Variants in SEMA3D observed in about 807,000 individuals in gnomAD.
SEMA3D encodes semaphorin 3D.
SEMA3D carries 84 observed loss-of-function variants against 100.1 expected under a neutral mutation model. That is an observed-to-expected ratio of 0.84 (90% CI 0.70 to 1.01). The LOEUF (loss-of-function observed/expected upper bound fraction) is 1.01, where lower values mean the gene tolerates loss of function less well. Among genes scored for constraint, SEMA3D ranks in the 50% least tolerant of loss-of-function variants. SEMA3D has a pLI of 0.00. For synonymous variants in SEMA3D, 312 were observed against 320.7 expected (o/e 0.97, Z 0.29); for missense variants, 875 against 934.1 (o/e 0.94, Z 0.82).
Position 84,996,950 on chromosome 7 carries a change from TTTTAGATATTC to T in SEMA3D, c.*2479_*2489del, listed in dbSNP as rs1357843653. 1.3e-5 allele frequency: 2 copies of T among 151,926 alleles called. No individual in the cohort carries two copies. The highest frequency in any genetic ancestry group is 4.8e-5 in the African/African-American group (2 of 41,428). 9.4% of individuals were successfully genotyped at this position (151,926 alleles called of 1,614,324 possible). ...ACTAAAAAGCTAAGAAAAAAACACA[TTTTAGATATTC>T]TTTATCTTTAAAAATACATATAAAT... On this transcript the variant is annotated 3_prime_UTR_variant, in exon 19 of 19. Coordinates refer to ENST00000284136, the MANE Select transcript of SEMA3D (RefSeq NM_001384900.1).
chr7:85,216,357 T>TTGTGTG, the SEMA3D span, among the ~76,000 whole-genome samples: 1,293 of 146,248 alleles, frequency 8.8e-3, 9 homozygotes, highest in South Asian at 0.02. Context: ...AATAAGAGTG[T>TTGTGTG]TGTGTGTGTG....
intron 2 of SEMA3D, among the ~76,000 whole-genome samples, chr7:85,138,586 T>A (rs539768078): frequency 4.0e-5 from 6 of 148,594 alleles, no homozygotes; most frequent in African/African-American, 1.5e-4. Context: ...CCCCTTTCTT[T>A]CCATTTTGTG....
intron 5 of SEMA3D, among the ~76,000 whole-genome samples, chr7:85,074,199 T>C (rs956352587): frequency 6.6e-6 from 1 of 152,150 alleles, no homozygotes; most frequent in Non-Finnish European, 1.5e-5. Flanking sequence ...ATTAAGGAAG[T>C]TGGTAACCTG....
the SEMA3D span, among the ~76,000 whole-genome samples, chr7:85,206,815 G>A: frequency 6.6e-6 from 1 of 152,006 alleles, no homozygotes; most frequent in Non-Finnish European, 1.5e-5. Flanking sequence ...TGTGTCTTCA[G>A]GCTCATTGTT....
intron 4 of SEMA3D, among the ~76,000 whole-genome samples, chr7:85,094,959 A>G (rs1173611129): frequency 6.6e-6 from 1 of 151,994 alleles, no homozygotes. Flanking sequence ...ACAAAAGGTC[A>G]TAATATCATC....
intron 5 of SEMA3D, among the ~76,000 whole-genome samples, chr7:85,077,849 CT>C (rs1391881811): frequency 2.0e-5 from 3 of 152,012 alleles, no homozygotes; most frequent in Admixed American, 1.3e-4. Context: ...TAAAAGTCTA[CT>C]CAATAATCAA....
Position 84,998,296 on chromosome 7 carries a change from A to G in SEMA3D, c.*1144T>C, listed in dbSNP as rs140012259. ...AGAATAAAGGCAGTAAAAAGAAATA[A>G]TATACAGAGTATGATAAATATTTTT... On this transcript the variant is annotated 3_prime_UTR_variant, in exon 19 of 19. Transcript: ENST00000284136. 474 of 152,318 alleles carry G rather than the reference A, an allele frequency of 3.1e-3. 3 individuals carry two copies. The highest frequency in any genetic ancestry group is 0.011 in the African/African-American group (443 of 41,590). 9.4% of individuals were successfully genotyped at this position (152,318 alleles called of 1,614,324 possible). A position where few individuals can be genotyped will look rare whatever the true frequency, so the allele number is the denominator to read the frequency against.
chr7:85,127,959 T>C (rs1420725694), intron 2 of SEMA3D, among the ~76,000 whole-genome samples: 1 of 152,012 alleles, frequency 6.6e-6, no homozygotes, highest in Non-Finnish European at 1.5e-5. Flanking sequence ...ACTCAAAACA[T>C]AAATCGGTTG....
chr7:85,018,414 G>A (rs1790164908), intron 14 of SEMA3D, 121 bp from the exon 15 acceptor site: 7 of 652,250 alleles, frequency 1.1e-5, no homozygotes, highest in East Asian at 2.8e-5. Context: ...TGTTACATAA[G>A]GAAATAAAGT....
chr7:85,194,349 T>C, the SEMA3D span, among the ~76,000 whole-genome samples: 15 of 152,326 alleles, frequency 9.8e-5, 1 homozygote, highest in East Asian at 2.9e-3. Context: ...TTTTTGCAGA[T>C]GTGCTCTATC....
At chr7:85,143,760 C>T (rs150943410) in intron 2 of SEMA3D, among the ~76,000 whole-genome samples, 1,507 of 149,092 alleles carry the variant, frequency 0.01, 24 homozygotes, top group African/African-American at 0.035. Context: ...CTTGCTCTAT[C>T]ACCCAGGCTG....
chr7:85,184,686 G>A (rs994563602), intron 1 of SEMA3D, among the ~76,000 whole-genome samples: 1 of 152,080 alleles, frequency 6.6e-6, no homozygotes, highest in African/African-American at 2.4e-5. Context: ...TTGGCAATTC[G>A]AATCAGTACT....
chr7:85,039,172 T>C (rs1790784527), intron 11 of SEMA3D, among the ~76,000 whole-genome samples: 1 of 152,138 alleles, frequency 6.6e-6, no homozygotes, highest in East Asian at 1.9e-4. Context: ...GGGTGTGCTT[T>C]GAACATAGTC....
intron 6 of SEMA3D, among the ~76,000 whole-genome samples, chr7:85,069,335 C>T (rs535426127): frequency 6.6e-5 from 10 of 152,176 alleles, no homozygotes; most frequent in Admixed American, 3.3e-4. Context: ...TAAAAAAATA[C>T]TAAACACTAA....
At position 85,066,905 on chromosome 7, in the gene SEMA3D, C is replaced by CACACACACAT. The variant is rs150200259; in HGVS notation, c.589+1285_589+1286insATGTGTGTGT. ...GGAAATGTGCGCTCACACACACACA[C>CACACACACAT]ACACACACAGAGAGAGAGAGAGAGA... On this transcript the variant is annotated intron_variant, in intron 7 of 18. Coordinates refer to ENST00000284136, the MANE Select transcript of SEMA3D (RefSeq NM_001384900.1). Among the ~76,000 whole-genome samples, 721 of 139,176 alleles carry CACACACACAT rather than the reference C, an allele frequency of 5.2e-3. 11 individuals are homozygous for CACACACACAT. Among genetic ancestry groups the CACACACACAT allele is most frequent in the Non-Finnish European group, 7.2e-3 (468 of 64,666 alleles). The allele number at this position is 139,176 out of a possible 152,430, so 91.3% of individuals were successfully genotyped here.
chr7:85,161,611 C>T (rs946616114), intron 1 of SEMA3D, among the ~76,000 whole-genome samples: 3 of 152,070 alleles, frequency 2.0e-5, no homozygotes, highest in South Asian at 2.1e-4. Flanking sequence ...CTACCATTCA[C>T]GTAGGAGTGA....
intron 11 of SEMA3D, 71 bp from the exon 12 acceptor site, chr7:85,037,104 A>G: frequency 2.0e-6 from 3 of 1,470,326 alleles, no homozygotes; most frequent in Admixed American, 1.8e-5. Flanking sequence ...AGCACATACT[A>G]TCAGCAGGTG....
chr7:85,196,136 G>A, the SEMA3D span, among the ~76,000 whole-genome samples: 1 of 152,142 alleles, frequency 6.6e-6, no homozygotes, highest in Admixed American at 6.5e-5. Context: ...AGAAAATTTA[G>A]CAGCTTTTTC....
intron 6 of SEMA3D, among the ~76,000 whole-genome samples, chr7:85,070,787 T>G (rs945735716): frequency 9.2e-5 from 14 of 151,944 alleles, no homozygotes; most frequent in Non-Finnish European, 1.3e-4. Context: ...GTGACTTTTT[T>G]TTGTTGTTGT....
Sources: allele counts gnomAD v4.1 joint callset (sites outside exome capture counted in the v4.1 genomes callset), GRCh38; gene constraint gnomAD v4.1.1; transcripts MANE v1.5; gene names NCBI Gene and HGNC (gene_info 2026-07-23, HGNC 2026-07-21).